Variants in ADGRD1 observed in about 807,000 individuals in gnomAD.
ADGRD1 encodes the protein G-protein coupled receptor 133.
In ADGRD1, 77 loss-of-function variants were observed where a neutral mutation model predicts 113.4. That is an observed-to-expected ratio of 0.68 (90% CI 0.57 to 0.82). ADGRD1 has a LOEUF of 0.82. Ranked by LOEUF, ADGRD1 falls within the 40% of genes least tolerant of loss-of-function variation. The pLI is 0.00. For synonymous variants in ADGRD1, 474 were observed against 475.0 expected (o/e 1.00, Z 0.03); for missense variants, 1,036 against 1,139.1 (o/e 0.91, Z 1.30).
chr12:131,051,206 C>T (rs551075071), intron 13 of ADGRD1, among the ~76,000 whole-genome samples: 45 of 152,334 alleles, frequency 3.0e-4, no homozygotes, highest in African/African-American at 9.1e-4. Flanking sequence ...GCCCATGTCC[C>T]GGGGTGCTCG....
At chr12:131,137,136 G>A (rs983103407) in intron 23 of ADGRD1, 122 bp downstream of exon 23, 7 of 815,556 alleles carry the variant, frequency 8.6e-6, no homozygotes, top group African/African-American at 1.7e-5. Context: ...TCCTGAGCCA[G>A]CCACGTTCCT....
In ADGRD1 at chr12:131,105,838, C is replaced by T; in HGVS notation, c.1860C>T (p.Leu620=). ...FAVLVAQVLL[L]ISFRLEPGTT... ...TGCTGGTGGCCCAGGTCCTGCTGCT[C>T]ATTAGTTTCCGCCTCGAGCCGGGCA... Residue 620 remains leucine (L), a synonymous_variant, in exon 17 of 25, where the codon CTC becomes CTT. Transcript: ENST00000261654. 8 of 1,600,130 alleles carry T rather than the reference C, an allele frequency of 5.0e-6. No individual in the cohort carries two copies. The highest frequency in any genetic ancestry group is 6.8e-6 in the Non-Finnish European group (8 of 1,179,760).
At chr12:131,030,785 A>T (rs1210742875) in intron 13 of ADGRD1, 2 of 152,274 alleles carry the variant, frequency 1.3e-5, no homozygotes, top group Admixed American at 6.5e-5. Context: ...ACTGTAAAGA[A>T]CAGAAGACAC....
intron 13 of ADGRD1, among the ~76,000 whole-genome samples, chr12:131,056,170 G>C (rs1883843403): frequency 6.6e-6 from 1 of 152,134 alleles, no homozygotes; most frequent in Non-Finnish European, 1.5e-5. Context: ...TTTCCTCTTG[G>C]TTGAGGATCA....
intron 15 of ADGRD1, among the ~76,000 whole-genome samples, chr12:131,101,588 A>G (rs1190924729): frequency 1.3e-5 from 2 of 151,676 alleles, no homozygotes; most frequent in Admixed American, 6.6e-5. Flanking sequence ...GGATTTCACC[A>G]TGTTGGCCAG....
chr12:130,976,128 C>T (rs1302266076), intron 4 of ADGRD1, among the ~76,000 whole-genome samples: 2 of 152,158 alleles, frequency 1.3e-5, no homozygotes, highest in Admixed American at 6.5e-5. Context: ...AAATTTAAAA[C>T]GCTGTCAACA....
chr12:130,955,657 C>T (rs917078146), intron 2 of ADGRD1, among the ~76,000 whole-genome samples: 7 of 152,228 alleles, frequency 4.6e-5, no homozygotes, highest in Non-Finnish European at 1.0e-4. Flanking sequence ...TGAACCCCTG[C>T]TGGGAAGCCT....
At chr12:131,069,111 C>G (rs1231636464) in intron 13 of ADGRD1, 1 of 152,254 alleles carries the variant, frequency 6.6e-6, no homozygotes, top group East Asian at 1.9e-4. Context: ...CCCCCCGACC[C>G]TGAGGCTCCT....
At chr12:131,105,223 C>T (rs73468777) in intron 16 of ADGRD1, among the ~76,000 whole-genome samples, 7,372 of 152,346 alleles carry the variant, frequency 0.048, 582 homozygotes, top group African/African-American at 0.17. Context: ...GAGGGCCCGA[C>T]TGTGCCCAAG....
intron 16 of ADGRD1, 24 bp from the exon 17 acceptor site, chr12:131,105,730 C>T: frequency 6.3e-7 from 1 of 1,585,938 alleles, no homozygotes; most frequent in Non-Finnish European, 8.6e-7. Flanking sequence ...GGGCCCAGGC[C>T]TCACACCCTG....
chr12:131,037,371 C>CACTGCACTGGGTCTT (rs1881610145), intron 13 of ADGRD1, among the ~76,000 whole-genome samples: 1 of 143,450 alleles, frequency 7.0e-6, no homozygotes, highest in Non-Finnish European at 1.5e-5. Context: ...GGGTCTTACT[C>CACTGCACTGGGTCTT]ACTGCACTGG....
At chr12:131,088,108 C>T (rs1253890582) in intron 15 of ADGRD1, among the ~76,000 whole-genome samples, 2 of 152,142 alleles carry the variant, frequency 1.3e-5, no homozygotes, top group Admixed American at 1.3e-4. Context: ...CGCAGAGCTG[C>T]CCCCATGGAG....
chr12:131,126,797 T>C (rs2136076888), intron 20 of ADGRD1, among the ~76,000 whole-genome samples: 1 of 152,316 alleles, frequency 6.6e-6, no homozygotes, highest in African/African-American at 2.4e-5. Flanking sequence ...GCTTAGCTGC[T>C]GGAATATCCA....
At chr12:131,118,552 G>T in intron 19 of ADGRD1, 101 bp downstream of exon 19, 1 of 848,180 alleles carries the variant, frequency 1.2e-6, no homozygotes, top group Non-Finnish European at 1.9e-6. Context: ...CTGGGTGCAG[G>T]GGTGCTGTGC....
At chr12:131,108,304 C>G (rs1481475648) in intron 17 of ADGRD1, among the ~76,000 whole-genome samples, 1 of 152,168 alleles carries the variant, frequency 6.6e-6, no homozygotes, top group Non-Finnish European at 1.5e-5. Context: ...TCTCTGGGAG[C>G]CACGTGGCTT....
chr12:130,983,847 G>C (rs2136608375), intron 5 of ADGRD1, among the ~76,000 whole-genome samples: 1 of 152,306 alleles, frequency 6.6e-6, no homozygotes, highest in East Asian at 1.9e-4. Context: ...CCTTCCAGCA[G>C]CAAGCTCAGG....
chr12:131,015,896 T>C (rs1878516073), intron 13 of ADGRD1, among the ~76,000 whole-genome samples: 1 of 152,242 alleles, frequency 6.6e-6, no homozygotes. Context: ...TACTTACCTA[T>C]TCAAAGACCT....
At chr12:130,998,790 C>T (rs768446156) in intron 8 of ADGRD1, among the ~76,000 whole-genome samples, 11 of 152,130 alleles carry the variant, frequency 7.2e-5, no homozygotes, top group Non-Finnish European at 1.5e-4. Context: ...CCATGGTGTC[C>T]TGGCTTCTCA....
At chr12:131,024,145 C>G (rs1161726733) in intron 13 of ADGRD1, 2 of 152,258 alleles carry the variant, frequency 1.3e-5, no homozygotes, top group African/African-American at 4.8e-5. Flanking sequence ...TTAGCCACCC[C>G]TGAGGGACAG....
Sources: gnomAD v4.1 joint callset for allele counts (sites outside exome capture counted in the v4.1 genomes callset) on GRCh38, gnomAD v4.1.1 for gene constraint, MANE v1.5 for transcripts, NCBI Gene and HGNC (gene_info 2026-07-23, HGNC 2026-07-21) for gene names.